The following PTPRT variants were observed in gnomAD, a reference collection of about 807,000 sequenced individuals.
PTPRT encodes receptor-type tyrosine-protein phosphatase T.
In PTPRT, 56 loss-of-function variants were observed where a neutral mutation model predicts 176.8. That is an observed-to-expected ratio of 0.32 (90% CI 0.26 to 0.40). PTPRT has a LOEUF of 0.40. Among genes scored for constraint, PTPRT ranks in the 10% least tolerant of loss-of-function variants. The probability of loss-of-function intolerance (pLI) is 1.00; values close to 1 mark genes in which losing one functional copy is unlikely to be tolerated. For synonymous variants in PTPRT, 783 were observed against 739.0 expected, an observed-to-expected ratio of 1.06 and a Z score of -0.96; for missense variants, 1,540 against 1,908.2, an observed-to-expected ratio of 0.81 and a Z score of 3.60.
chr20:42,488,326 C>T (rs1229526979), intron 7 of PTPRT, among the ~76,000 whole-genome samples: 1 of 152,178 alleles, frequency 6.6e-6, no homozygotes. Context: ...TGTCAGATTG[C>T]TTTCAGAACA....
chr20:43,188,752 G>GT (rs892928752), intron 1 of PTPRT, among the ~76,000 whole-genome samples: 5 of 135,826 alleles, frequency 3.7e-5, no homozygotes, highest in East Asian at 2.0e-4. Flanking sequence ...CTACTCTTGG[G>GT]GGGGGGGGGG....
chr20:42,468,146 A>G (rs1178256727), intron 8 of PTPRT, among the ~76,000 whole-genome samples: 1 of 152,244 alleles, frequency 6.6e-6, no homozygotes, highest in African/African-American at 2.4e-5. Flanking sequence ...CAGGCCGTCA[A>G]ATGCACTGAG....
chr20:43,067,186 T>C (rs1024492133), intron 1 of PTPRT, among the ~76,000 whole-genome samples: 2 of 151,596 alleles, frequency 1.3e-5, no homozygotes, highest in Non-Finnish European at 2.9e-5. Flanking sequence ...TGGATGAGCC[T>C]TGAAAATTAT....
intron 12 of PTPRT, among the ~76,000 whole-genome samples, chr20:42,291,956 A>C (rs1351929041): frequency 6.6e-6 from 1 of 152,170 alleles, no homozygotes; most frequent in African/African-American, 2.4e-5. Flanking sequence ...CTTACGGTGC[A>C]AGAGAAACAA....
chr20:42,787,924 T>C (rs1432284391), intron 3 of PTPRT, among the ~76,000 whole-genome samples: 1 of 152,176 alleles, frequency 6.6e-6, no homozygotes, highest in African/African-American at 2.4e-5. Context: ...ACAGAAGATA[T>C]GCCAATATAT....
intron 7 of PTPRT, among the ~76,000 whole-genome samples, chr20:42,562,436 C>G (rs1385435802): frequency 2.0e-5 from 3 of 152,170 alleles, no homozygotes; most frequent in Non-Finnish European, 4.4e-5. Flanking sequence ...TACAGATAGC[C>G]AGTCCCTTTC....
intron 13 of PTPRT, among the ~76,000 whole-genome samples, chr20:42,269,488 C>A (rs1324966427): frequency 6.6e-6 from 1 of 152,166 alleles, no homozygotes; most frequent in Non-Finnish European, 1.5e-5. Context: ...AAAAAGGGAC[C>A]CTGTAATAAA....
At chr20:43,074,394 A>T (rs1410236131) in intron 1 of PTPRT, among the ~76,000 whole-genome samples, 1 of 152,228 alleles carries the variant, frequency 6.6e-6, no homozygotes, top group Admixed American at 6.5e-5. Flanking sequence ...TTTCATTAAA[A>T]TGAAACTGAT....
At chr20:42,611,476 A>G (rs2073975061) in intron 7 of PTPRT, among the ~76,000 whole-genome samples, 1 of 152,166 alleles carries the variant, frequency 6.6e-6, no homozygotes, top group African/African-American at 2.4e-5. Flanking sequence ...CAAGAGGTTG[A>G]GCCTGTCAAG....
intron 1 of PTPRT, among the ~76,000 whole-genome samples, chr20:42,986,559 T>C (rs1983590420): frequency 6.6e-6 from 1 of 152,094 alleles, no homozygotes; most frequent in African/African-American, 2.4e-5. Context: ...CTAAGGGTCA[T>C]ATGAGGTCAG....
At chr20:42,530,974 C>T (rs2072372845) in intron 7 of PTPRT, among the ~76,000 whole-genome samples, 1 of 152,218 alleles carries the variant, frequency 6.6e-6, no homozygotes, top group African/African-American at 2.4e-5. Context: ...ACAGGAAATG[C>T]TTAACAGAGA....
chr20:42,124,064 G>A (rs1036387092), intron 19 of PTPRT, among the ~76,000 whole-genome samples: 1 of 152,156 alleles, frequency 6.6e-6, no homozygotes, highest in Admixed American at 6.5e-5. Context: ...CTGCATCTGA[G>A]TAAAGAGACC....
At chr20:43,070,853 G>T (rs2011170525) in intron 1 of PTPRT, among the ~76,000 whole-genome samples, 1 of 151,160 alleles carries the variant, frequency 6.6e-6, no homozygotes, top group African/African-American at 2.4e-5. Context: ...AGCATTAGGA[G>T]ATACACCTAA....
At chr20:42,487,601 A>C (rs1205198798) in intron 7 of PTPRT, among the ~76,000 whole-genome samples, 3 of 152,178 alleles carry the variant, frequency 2.0e-5, no homozygotes, top group Non-Finnish European at 2.9e-5. Flanking sequence ...GGCAGAGAGG[A>C]GAAATGATGT....
chr20:42,439,557 G>GT (rs1356210301), intron 9 of PTPRT, among the ~76,000 whole-genome samples: 1 of 152,184 alleles, frequency 6.6e-6, no homozygotes, highest in Non-Finnish European at 1.5e-5. Context: ...TGGCTGTAGC[G>GT]TAACATCAGA....
chr20:42,919,177 G>A (rs1409347420), intron 1 of PTPRT, among the ~76,000 whole-genome samples: 1 of 152,198 alleles, frequency 6.6e-6, no homozygotes, highest in Non-Finnish European at 1.5e-5. Context: ...ATCCCCCAGA[G>A]ATGGCATAAA....
intron 9 of PTPRT, among the ~76,000 whole-genome samples, chr20:42,404,495 T>C (rs1407149256): frequency 6.6e-6 from 1 of 152,138 alleles, no homozygotes; most frequent in Non-Finnish European, 1.5e-5. Context: ...CAGCATCAAA[T>C]AGAAAAATTT....
chr20:42,151,167 G>A (rs895042270), intron 17 of PTPRT, among the ~76,000 whole-genome samples: 1 of 151,086 alleles, frequency 6.6e-6, no homozygotes, highest in Non-Finnish European at 1.5e-5. Context: ...TAAGTTCTGG[G>A]ATACATGTGC....
chr20:42,230,844 G>T (rs1202293926), intron 15 of PTPRT, among the ~76,000 whole-genome samples: 1 of 152,168 alleles, frequency 6.6e-6, no homozygotes, highest in Non-Finnish European at 1.5e-5. Context: ...AGACAATAAT[G>T]GGCCTTATCT....
Sources: gnomAD v4.1 joint callset for allele counts (sites outside exome capture counted in the v4.1 genomes callset) on GRCh38, gnomAD v4.1.1 for gene constraint, MANE v1.5 for transcripts, NCBI Gene and HGNC (gene_info 2026-07-23, HGNC 2026-07-21) for gene names.